HACD3: variants seen among roughly 807,000 people sequenced by gnomAD.
The protein encoded by HACD3 is 3-hydroxyacyl-CoA dehydratase 3.
In HACD3, 30 loss-of-function variants were observed where a neutral mutation model predicts 55.2. That is an observed-to-expected ratio of 0.54 (90% CI 0.41 to 0.74). The LOEUF (loss-of-function observed/expected upper bound fraction) is 0.74. HACD3 is among the 30% of genes least tolerant of loss of function. The pLI is 0.00. For synonymous variants in HACD3, 141 were observed against 151.7 expected, an observed-to-expected ratio of 0.93 and a Z score of 0.52; for missense variants, 363 against 440.1, an observed-to-expected ratio of 0.82 and a Z score of 1.57.
At chr15:65,564,512 C>G in intron 7 of HACD3, 170 bp downstream of exon 7, 2 of 855,340 alleles carry the variant, frequency 2.3e-6, no homozygotes, top group Non-Finnish European at 3.4e-6. Flanking sequence ...CTGGGAAGGT[C>G]TCACGATCAT....
At chr15:65,532,935 A>T (rs895377256) in intron 1 of HACD3, among the ~76,000 whole-genome samples, 10 of 152,182 alleles carry the variant, frequency 6.6e-5, no homozygotes, top group Non-Finnish European at 1.3e-4. Flanking sequence ...TTTGTGTAGG[A>T]GTATGTTTAT....
intron 7 of HACD3, chr15:65,565,708 A>C (rs1022024602): frequency 2.6e-5 from 4 of 152,262 alleles, no homozygotes; most frequent in Non-Finnish European, 4.4e-5. Flanking sequence ...AAGGCCTCTG[A>C]CATGGTCTGG....
Position 65,554,320 on chromosome 15 carries a change from T to TA in HACD3, c.131-566dup, listed in dbSNP as rs111543340. Among the ~76,000 whole-genome samples the TA allele has an allele frequency of 6.5e-3, 987 of 152,302 alleles. 13 individuals are homozygous for TA. The highest frequency in any genetic ancestry group is 0.022 in the African/African-American group (921 of 41,556). On this transcript the variant is annotated intron_variant, in intron 2 of 10. Coordinates refer to ENST00000261875, the MANE Select transcript of HACD3 (RefSeq NM_016395.4). ...GGGTCACAGTGGAAGATTGGGTAAA[T>TA]ACGCCAAAACTGACATCAGAGGACA...
At chr15:65,550,359 C>T (rs1263170166) in intron 1 of HACD3, among the ~76,000 whole-genome samples, 5 of 152,038 alleles carry the variant, frequency 3.3e-5, no homozygotes, top group African/African-American at 4.8e-5. Context: ...TGCACTCCAG[C>T]CTGGGTGAAT....
At chr15:65,549,968 C>T (rs887775741) in intron 1 of HACD3, among the ~76,000 whole-genome samples, 14 of 152,296 alleles carry the variant, frequency 9.2e-5, no homozygotes, top group Admixed American at 4.6e-4. Context: ...CAGATCGATC[C>T]TCTGTAGTAG....
intron 2 of HACD3, among the ~76,000 whole-genome samples, chr15:65,553,626 A>T (rs2072157345): frequency 6.6e-6 from 1 of 152,088 alleles, no homozygotes; most frequent in Non-Finnish European, 1.5e-5. Context: ...CACTCAGCTC[A>T]GGTTTTTTGG....
At chr15:65,572,929 AAT>A (rs1567341535) in intron 10 of HACD3, among the ~76,000 whole-genome samples, 1 of 144,702 alleles carries the variant, frequency 6.9e-6, no homozygotes. Flanking sequence ...AAAAAAAAAA[AAT>A]AAATAAATAA....
At chr15:65,545,135 G>A (rs141458694) in intron 1 of HACD3, among the ~76,000 whole-genome samples, 2 of 152,050 alleles carry the variant, frequency 1.3e-5, no homozygotes, top group African/African-American at 2.4e-5. Flanking sequence ...GTGTTGTGAG[G>A]GAATGGCAGA....
chr15:65,530,505 G>C lies in HACD3; in HGVS notation c.-127G>C, dbSNP rs2071884572. 2.5e-6 allele frequency: 2 copies of C among 785,706 alleles called. No homozygotes were observed. Among genetic ancestry groups the C allele is most frequent in the African/African-American group, 3.7e-5 (2 of 54,228 alleles). 48.7% of individuals were successfully genotyped at this position (785,706 alleles called of 1,614,324 possible). A position where few individuals can be genotyped will look rare whatever the true frequency, so the allele number is the denominator to read the frequency against. ...GCCCGCGAGCGTGGGGTATCTCGAGGTGCCGGGTTGCAGGCGCTCAGGAGC... is the reference window on the plus strand; with the variant it reads ...GCCCGCGAGCGTGGGGTATCTCGAGCTGCCGGGTTGCAGGCGCTCAGGAGC... On this transcript the variant is annotated 5_prime_UTR_variant, in exon 1 of 11. Transcript: ENST00000261875.
chr15:65,541,361 G>T (rs1276488274), intron 1 of HACD3, among the ~76,000 whole-genome samples: 2 of 152,204 alleles, frequency 1.3e-5, no homozygotes, highest in East Asian at 3.9e-4. Context: ...AGAGCTCTCT[G>T]AGAGTTTATT....
rs892276710 is a variant in HACD3 at position 65,577,255 on chromosome 15, A to C, written c.*876A>C. 1 of 152,098 alleles carries C rather than the reference A, an allele frequency of 6.6e-6. No individual in the cohort carries two copies. Among genetic ancestry groups the C allele is most frequent in the Non-Finnish European group, 1.5e-5 (1 of 68,046 alleles). The allele number at this position is 152,098 out of a possible 1,614,324, so 9.4% of individuals were successfully genotyped here. A position where few individuals can be genotyped will look rare whatever the true frequency, so the allele number is the denominator to read the frequency against. ...GCTTGGGCAACGTAGTGAGACCCCT[A>C]TCTCTACAAAAAATAAAAAAATTAG... On this transcript the variant is annotated 3_prime_UTR_variant, in exon 11 of 11. Coordinates refer to ENST00000261875, the MANE Select transcript of HACD3 (RefSeq NM_016395.4).
chr15:65,551,633 CT>C, intron 1 of HACD3, 42 bp from the exon 2 acceptor site: 2 of 1,610,956 alleles, frequency 1.2e-6, no homozygotes, highest in Non-Finnish European at 1.7e-6. Context: ...CATTTTTTCT[CT>C]TCATTAAAAT....
In HACD3 at chr15:65,530,583, C is replaced by T; in HGVS notation, c.-49C>T. 1 of 1,498,030 alleles carries T rather than the reference C, an allele frequency of 6.7e-7. No homozygotes were observed. The highest frequency in any genetic ancestry group is 9.1e-7 in the Non-Finnish European group (1 of 1,102,524). The allele number at this position is 1,498,030 out of a possible 1,614,324, so 92.8% of individuals were successfully genotyped here. A position where few individuals can be genotyped will look rare whatever the true frequency, so the allele number is the denominator to read the frequency against. On this transcript the variant is annotated 5_prime_UTR_variant, in exon 1 of 11. Transcript: ENST00000261875. ...CGCGCCAGCAGAGCACTACCTGAGG[C>T]AGCGAGGCGCAGCGAGCCTAGCCTC...
At chr15:65,535,816 C>A in intron 1 of HACD3, 1 of 636,830 alleles carries the variant, frequency 1.6e-6, no homozygotes. Flanking sequence ...CTGGCTCAGC[C>A]TACCAAGTAG....
chr15:65,574,504 A>G (rs2072381435), intron 10 of HACD3: 1 of 152,242 alleles, frequency 6.6e-6, no homozygotes, highest in African/African-American at 2.4e-5. Flanking sequence ...TGTTGGGATC[A>G]TTGTCACGGC....
At chr15:65,535,138 C>G (rs568616647) in intron 1 of HACD3, among the ~76,000 whole-genome samples, 110 of 152,134 alleles carry the variant, frequency 7.2e-4, no homozygotes, top group African/African-American at 2.5e-3. Context: ...GACCTAAACG[C>G]ATAAAGAAAA....
intron 10 of HACD3, among the ~76,000 whole-genome samples, chr15:65,575,052 C>G (rs939374812): frequency 6.6e-6 from 1 of 152,186 alleles, no homozygotes. Context: ...ATGTTCATAT[C>G]TACTTTGCTT....
intron 6 of HACD3, among the ~76,000 whole-genome samples, chr15:65,563,991 TA>T (rs1402222824): frequency 6.6e-6 from 1 of 151,792 alleles, no homozygotes; most frequent in Non-Finnish European, 1.5e-5. Flanking sequence ...GAGAAAGGCA[TA>T]TAAGGTGTAC....
At chr15:65,574,692 C>T (rs1049575562) in intron 10 of HACD3, 11 of 150,910 alleles carry the variant, frequency 7.3e-5, no homozygotes, top group African/African-American at 2.5e-4. Context: ...TGTAGGCCCA[C>T]GTCATTTGCA....
Sources: gnomAD v4.1 joint callset for allele counts (sites outside exome capture counted in the v4.1 genomes callset) on GRCh38, gnomAD v4.1.1 for gene constraint, MANE v1.5 for transcripts, NCBI Gene and HGNC (gene_info 2026-07-23, HGNC 2026-07-21) for gene names.